AFAP1L2: variants seen among roughly 807,000 people sequenced by gnomAD.
AFAP1L2 encodes the protein actin filament associated protein 1 like 2.
AFAP1L2 carries 46 observed loss-of-function variants against 99.3 expected under a neutral mutation model. That is an observed-to-expected ratio of 0.46 (90% confidence interval 0.37 to 0.59). AFAP1L2 has a LOEUF of 0.59. AFAP1L2 is among the 20% of genes least tolerant of loss of function. The pLI is 0.00. For synonymous variants in AFAP1L2, 397 were observed against 419.1 expected, an observed-to-expected ratio of 0.95 and a Z score of 0.64; for missense variants, 959 against 1,034.9, an observed-to-expected ratio of 0.93 and a Z score of 1.01.
At chr10:114,367,607 C>A (rs1342878536) in intron 1 of AFAP1L2, among the ~76,000 whole-genome samples, 2 of 152,120 alleles carry the variant, frequency 1.3e-5, no homozygotes, top group Non-Finnish European at 2.9e-5. Flanking sequence ...GGACTGAGGC[C>A]CAGCTAGAAT....
chr10:114,394,535 G>C (rs187218374), intron 1 of AFAP1L2, among the ~76,000 whole-genome samples: 30 of 152,296 alleles, frequency 2.0e-4, no homozygotes, highest in Admixed American at 1.8e-3. Context: ...AGATCCAGGA[G>C]ACCTGGAGAC....
intron 10 of AFAP1L2, among the ~76,000 whole-genome samples, chr10:114,306,787 G>C (rs2042524866): frequency 6.6e-6 from 1 of 152,086 alleles, no homozygotes; most frequent in Admixed American, 6.5e-5. Context: ...TCACTGCTGA[G>C]TAGACATCCA....
chr10:114,368,495 C>T (rs2053605741), intron 1 of AFAP1L2, among the ~76,000 whole-genome samples: 1 of 152,152 alleles, frequency 6.6e-6, no homozygotes, highest in Non-Finnish European at 1.5e-5. Flanking sequence ...TCATGGCTCA[C>T]TGCAGCCTCC....
chr10:114,320,136 T>C (rs899984891), intron 5 of AFAP1L2, among the ~76,000 whole-genome samples: 17 of 152,138 alleles, frequency 1.1e-4, no homozygotes, highest in Non-Finnish European at 2.2e-4. Flanking sequence ...GGTTATTTGT[T>C]ACAGCTGCTA....
intron 11 of AFAP1L2, among the ~76,000 whole-genome samples, chr10:114,304,236 C>G (rs752455915): frequency 2.6e-5 from 4 of 152,164 alleles, no homozygotes; most frequent in Admixed American, 1.3e-4. Context: ...CTCCGCCTGC[C>G]GCAGCTTGCA....
chr10:114,384,324 TCC>T (rs373711842), intron 1 of AFAP1L2, among the ~76,000 whole-genome samples: 3 of 146,198 alleles, frequency 2.1e-5, no homozygotes, highest in African/African-American at 7.6e-5. Context: ...TTGTCTGTCG[TCC>T]CCCCCCCGCT....
intron 10 of AFAP1L2, among the ~76,000 whole-genome samples, chr10:114,307,292 C>T (rs1053829142): frequency 6.6e-6 from 1 of 152,042 alleles, no homozygotes; most frequent in Non-Finnish European, 1.5e-5. Context: ...CAGCCCATTC[C>T]ACTCCTACAT....
intron 1 of AFAP1L2, among the ~76,000 whole-genome samples, chr10:114,380,147 C>T (rs139587463): frequency 6.6e-6 from 1 of 152,362 alleles, no homozygotes; most frequent in East Asian, 1.9e-4. Context: ...GAGAGGCTTT[C>T]ATTCCAAGAT....
intron 1 of AFAP1L2, among the ~76,000 whole-genome samples, chr10:114,395,346 C>T (rs1018038605): frequency 3.9e-5 from 6 of 152,182 alleles, no homozygotes; most frequent in Non-Finnish European, 8.8e-5. Flanking sequence ...AGACCCAAGA[C>T]CATGAAGATG....
At position 114,404,472 on chromosome 10, in the gene AFAP1L2, G is replaced by C; in HGVS notation, c.-17C>G. The C allele has an allele frequency of 6.5e-7, 1 of 1,536,404 alleles. No homozygotes were observed. The highest frequency in any genetic ancestry group is 2.0e-5 in the Admixed American group (1 of 50,748). ...CCGCTCCATCGGGGCCACGGAGTGC[G>C]CTCCTCGCGGCTCGGCTTCTGCGCT... On this transcript the variant is annotated 5_prime_UTR_variant, in exon 1 of 19. Coordinates refer to ENST00000304129, the MANE Select transcript of AFAP1L2 (RefSeq NM_001001936.3).
At chr10:114,290,105 C>G (rs2039419299), downstream of AFAP1L2, 1 of 1,235,384 alleles carries the variant, frequency 8.1e-7, no homozygotes, top group African/African-American at 1.5e-5. Flanking sequence ...TATGCAGCAC[C>G]AACCATGAGC....
chr10:114,332,570 G>A (rs952894999), intron 3 of AFAP1L2, among the ~76,000 whole-genome samples: 7 of 152,196 alleles, frequency 4.6e-5, no homozygotes, highest in African/African-American at 1.7e-4. Context: ...AAGCCTTTGT[G>A]GTTAAGTCAC....
chr10:114,338,257 T>C (rs1262805333), intron 2 of AFAP1L2, among the ~76,000 whole-genome samples: 1 of 152,150 alleles, frequency 6.6e-6, no homozygotes, highest in Non-Finnish European at 1.5e-5. Context: ...CCAGGGCAGG[T>C]GGAGACTTCC....
intron 1 of AFAP1L2, among the ~76,000 whole-genome samples, chr10:114,384,333 C>A (rs534810642): frequency 2.6e-5 from 4 of 151,698 alleles, no homozygotes; most frequent in Admixed American, 2.6e-4. Context: ...GTCCCCCCCC[C>A]GCTGCAAGTG....
chr10:114,346,323 G>A (rs2049564692), intron 1 of AFAP1L2, among the ~76,000 whole-genome samples: 1 of 152,170 alleles, frequency 6.6e-6, no homozygotes, highest in African/African-American at 2.4e-5. Flanking sequence ...GTTGCGCATA[G>A]TCGTCTGGGT....
At chr10:114,394,669 G>A (rs2138140872) in intron 1 of AFAP1L2, among the ~76,000 whole-genome samples, 1 of 152,268 alleles carries the variant, frequency 6.6e-6, no homozygotes, top group African/African-American at 2.4e-5. Flanking sequence ...AGATGCAGGT[G>A]CAGGAGCCAG....
At position 114,310,430 on chromosome 10, in the gene AFAP1L2, A is replaced by G. The variant is rs372184246; in HGVS notation, c.806T>C (p.Val269Ala). The change falls in exon 8 of 19, where the codon GTG (valine) becomes GCG (alanine). Residue 269 changes from valine to alanine, a missense_variant. Val to Ala is a moderately conservative substitution (Grantham distance 64). Coordinates refer to ENST00000304129, the MANE Select transcript of AFAP1L2 (RefSeq NM_001001936.3). The stretch of plus-strand genomic sequence containing the variant: ...TGCTCCTTCGGAAGGCAGGCCGCTC[A>G]CTTCCTGGATGACCTGAGGCAAGAG... ...AEQWLRVIQE[V>A]SGLPSEGASE... 6.2e-7 allele frequency: 1 copy of G among 1,613,708 alleles called. No homozygotes were observed. The highest frequency in any genetic ancestry group is 8.5e-7 in the Non-Finnish European group (1 of 1,179,886).
At chr10:114,391,440 G>A (rs908822462) in intron 1 of AFAP1L2, among the ~76,000 whole-genome samples, 2 of 152,070 alleles carry the variant, frequency 1.3e-5, no homozygotes, top group Admixed American at 6.5e-5. Flanking sequence ...GACTGGTCTC[G>A]AATTCCTGAC....
intron 1 of AFAP1L2, among the ~76,000 whole-genome samples, chr10:114,390,669 C>T (rs1174576330): frequency 4.0e-5 from 6 of 149,704 alleles, no homozygotes; most frequent in African/African-American, 1.2e-4. Context: ...TGCAGTGACC[C>T]GAGATCACGC....
Sources: allele counts gnomAD v4.1 joint callset (sites outside exome capture counted in the v4.1 genomes callset), GRCh38; gene constraint gnomAD v4.1.1; transcripts MANE v1.5; gene names NCBI Gene and HGNC (gene_info 2026-07-23, HGNC 2026-07-21).